Variants in CCDC18 observed in about 807,000 individuals in gnomAD.
CCDC18 encodes coiled-coil domain containing 18.
Under a neutral mutation model 196.0 loss-of-function variants are expected in CCDC18, and 157 were observed. The observed-to-expected ratio is 0.80, with a 90% confidence interval of 0.70 to 0.91. CCDC18 has a LOEUF of 0.91. CCDC18 is among the 40% of genes least tolerant of loss of function. CCDC18 has a pLI of 0.00. For missense variants in CCDC18, 1,465 were observed against 1,611.6 expected (o/e 0.91, Z 1.56); for synonymous variants, 482 against 529.2 (o/e 0.91, Z 1.22).
At chr1:93,228,102 G>C (rs959471186) in intron 17 of CCDC18, among the ~76,000 whole-genome samples, 4 of 151,666 alleles carry the variant, frequency 2.6e-5, no homozygotes, top group African/African-American at 9.7e-5. Flanking sequence ...CAGAGAATTA[G>C]ATACACAGGT....
At chr1:93,262,848 C>T (rs938152705) in intron 26 of CCDC18, among the ~76,000 whole-genome samples, 5 of 152,072 alleles carry the variant, frequency 3.3e-5, no homozygotes, top group Non-Finnish European at 5.9e-5. Flanking sequence ...CATGAGGGCT[C>T]CACCTCCACA....
At chr1:93,222,844 C>T (rs1265102273) in intron 16 of CCDC18, among the ~76,000 whole-genome samples, 1 of 152,042 alleles carries the variant, frequency 6.6e-6, no homozygotes, top group Non-Finnish European at 1.5e-5. Context: ...AACGTAGGTC[C>T]AAATATGCTA....
intron 19 of CCDC18, among the ~76,000 whole-genome samples, 175 bp downstream of exon 19, chr1:93,236,565 G>A (rs1393406292): frequency 6.6e-6 from 1 of 152,012 alleles, no homozygotes; most frequent in Non-Finnish European, 1.5e-5. Context: ...GCTTTTTACT[G>A]TATTACAGTT....
intron 6 of CCDC18, among the ~76,000 whole-genome samples, chr1:93,197,534 A>G (rs111447168): frequency 6.6e-6 from 1 of 151,754 alleles, no homozygotes; most frequent in African/African-American, 2.4e-5. Flanking sequence ...GTACATATAT[A>G]TGTGTGTGTG....
intron 6 of CCDC18, among the ~76,000 whole-genome samples, 181 bp downstream of exon 6, chr1:93,193,925 A>G (rs1451142047): frequency 6.6e-6 from 1 of 152,032 alleles, no homozygotes; most frequent in Non-Finnish European, 1.5e-5. Flanking sequence ...TATATGTGGA[A>G]TTTATGTTAT....
chr1:93,180,548 T>C (rs1403314285), upstream of CCDC18: 5 of 1,478,406 alleles, frequency 3.4e-6, no homozygotes, highest in Non-Finnish European at 3.6e-6. Context: ...CCCCCACCAA[T>C]GGGCATCATG....
chr1:93,256,282 T>C (rs1662950195), intron 24 of CCDC18, 53 bp from the exon 25 acceptor site: 6 of 1,493,422 alleles, frequency 4.0e-6, no homozygotes, highest in Non-Finnish European at 5.5e-6. Flanking sequence ...GAATAAGAAA[T>C]AGGTTATCTA....
intron 6 of CCDC18, among the ~76,000 whole-genome samples, chr1:93,198,267 T>G (rs1653135133): frequency 6.6e-6 from 1 of 152,256 alleles, no homozygotes; most frequent in Non-Finnish European, 1.5e-5. Flanking sequence ...AACTGTGGTA[T>G]GTTCACATAA....
chr1:93,265,571 A>C (rs1317115676), intron 27 of CCDC18, among the ~76,000 whole-genome samples: 2 of 152,168 alleles, frequency 1.3e-5, no homozygotes. Context: ...TTCTGTGCCA[A>C]CTCTACAACT....
At chr1:93,247,278 A>C (rs937019785) in intron 23 of CCDC18, among the ~76,000 whole-genome samples, 7 of 152,018 alleles carry the variant, frequency 4.6e-5, no homozygotes, top group Admixed American at 2.0e-4. Flanking sequence ...ATTTTTTTGT[A>C]GCTGCTTTAA....
intron 20 of CCDC18, 84 bp downstream of exon 20, chr1:93,239,557 G>A: frequency 3.4e-6 from 5 of 1,467,944 alleles, no homozygotes; most frequent in Non-Finnish European, 4.6e-6. Context: ...AGATGGTGGG[G>A]CTGGAAGGGA....
chr1:93,249,349 CTCT>C (rs1265681672), intron 23 of CCDC18, among the ~76,000 whole-genome samples: 1 of 152,170 alleles, frequency 6.6e-6, no homozygotes, highest in Non-Finnish European at 1.5e-5. Flanking sequence ...TGGATTCTCT[CTCT>C]TCTTAGTCAT....
chr1:93,243,614 C>G (rs967314795), intron 21 of CCDC18, among the ~76,000 whole-genome samples: 5 of 152,138 alleles, frequency 3.3e-5, no homozygotes, highest in African/African-American at 7.2e-5. Context: ...ATTTTCTTTT[C>G]TATCACACTC....
chr1:93,248,841 C>T (rs1161054658), intron 23 of CCDC18, among the ~76,000 whole-genome samples: 1 of 151,728 alleles, frequency 6.6e-6, no homozygotes, highest in Non-Finnish European at 1.5e-5. Flanking sequence ...GGTGTAGTGG[C>T]ATGTGCCTGT....
chr1:93,213,576 C>T (rs1656028431), intron 11 of CCDC18, among the ~76,000 whole-genome samples: 1 of 151,892 alleles, frequency 6.6e-6, no homozygotes, highest in Non-Finnish European at 1.5e-5. Flanking sequence ...TTTTCATTTT[C>T]ATTCAGTTCA....
intron 23 of CCDC18, among the ~76,000 whole-genome samples, chr1:93,250,966 TAATAGGTAA>T (rs1179848088): frequency 1.3e-5 from 2 of 152,218 alleles, no homozygotes; most frequent in Non-Finnish European, 2.9e-5. Flanking sequence ...ATGTTATTAT[TAATAGGTAA>T]GGATCTGTGC....
At chr1:93,226,492 A>AT (rs575481704) in intron 17 of CCDC18, 43 bp downstream of exon 17, 91 of 804,682 alleles carry the variant, frequency 1.1e-4, no homozygotes, top group Admixed American at 4.2e-4. Flanking sequence ...ATTTCAAGTG[A>AT]TTTTTTTTAA....
At chr1:93,268,630 C>T (rs1393081279) in intron 27 of CCDC18, among the ~76,000 whole-genome samples, 1 of 152,080 alleles carries the variant, frequency 6.6e-6, no homozygotes, top group African/African-American at 2.4e-5. Context: ...TGAACAGACA[C>T]TTCTCAAAAG....
Position 93,264,736 on chromosome 1 carries a change from G to T in CCDC18, c.3720G>T (p.Lys1240Asn). ...ISHQENHAKW[K>N]ISADSQKSSV... is the part of the protein sequence containing the mutation. ...ATCAAGAGAACCATGCAAAGTGGAA[G>T]ATTTCTGCTGACTCTCAAAAGTCTT... Residue 1240 changes from lysine to asparagine, a missense_variant, in exon 27 of 29, where the codon AAG (lysine) becomes AAT (asparagine). Coordinates refer to ENST00000690025, the MANE Select transcript of CCDC18 (RefSeq NM_001378204.1). 1 of 1,613,124 alleles carries T rather than the reference G, an allele frequency of 6.2e-7. No individual in the cohort carries two copies. Among genetic ancestry groups the T allele is most frequent in the Non-Finnish European group, 8.5e-7 (1 of 1,179,360 alleles).
Sources: allele counts gnomAD v4.1 joint callset (sites outside exome capture counted in the v4.1 genomes callset), GRCh38; gene constraint gnomAD v4.1.1; transcripts MANE v1.5; gene names NCBI Gene and HGNC (gene_info 2026-07-23, HGNC 2026-07-21).